The following EBF1 variants were observed in gnomAD, a reference collection of about 807,000 sequenced individuals.
EBF1 encodes EBF transcription factor 1, also known as transcription factor COE1.
A neutral mutation model predicts 68.4 loss-of-function variants in EBF1; 10 were observed. The ratio of observed to expected loss-of-function variants is 0.15; its 90% CI spans 0.09 to 0.25. The LOEUF (loss-of-function observed/expected upper bound fraction) is 0.25, where lower values mean the gene tolerates loss of function less well. Ranked by LOEUF, EBF1 falls within the 10% of genes least tolerant of loss-of-function variation. The pLI is 1.00. For synonymous variants in EBF1, 298 were observed against 299.8 expected (o/e 0.99, Z 0.06); for missense variants, 509 against 794.4 (o/e 0.64, Z 4.32).
At chr5:159,096,306 C>T in intron 3 of EBF1, 37 bp downstream of exon 3, 3 of 1,602,356 alleles carry the variant, frequency 1.9e-6, no homozygotes, top group East Asian at 4.5e-5. Context: ...AGACCCGGAG[C>T]CCCAGGGTGA....
chr5:158,834,433 C>T (rs1788278686), intron 7 of EBF1, among the ~76,000 whole-genome samples: 1 of 151,898 alleles, frequency 6.6e-6, no homozygotes, highest in Non-Finnish European at 1.5e-5. Flanking sequence ...AGCCTGTATC[C>T]ACTGTTGTAT....
At position 159,084,571 on chromosome 5, in the gene EBF1, C is replaced by CAA. The variant is rs200028682; in HGVS notation, c.485+93_485+94dup. On this transcript the variant is annotated intron_variant, in intron 5 of 15. Coordinates refer to ENST00000313708, the MANE Select transcript of EBF1 (RefSeq NM_024007.5). ...CTATAGAAGCAAGACAAATGTGTACCAAAAAAAAAAAAAAAGACCAAAGTT... is the reference window on the plus strand; with the variant it reads ...CTATAGAAGCAAGACAAATGTGTACCAAAAAAAAAAAAAAAAAGACCAAAGTT... 6.5e-3 allele frequency: 5,425 copies of CAA among 833,390 alleles called. 36 individuals carry two copies. The highest frequency in any genetic ancestry group is 0.041 in the African/African-American group (2,120 of 51,768). 51.6% of individuals were successfully genotyped at this position (833,390 alleles called of 1,614,324 possible).
At chr5:158,957,761 C>T (rs1474571773) in intron 6 of EBF1, among the ~76,000 whole-genome samples, 1 of 152,152 alleles carries the variant, frequency 6.6e-6, no homozygotes, top group Non-Finnish European at 1.5e-5. Context: ...TTCATAGTTC[C>T]TTTATGGCCG....
intron 8 of EBF1, among the ~76,000 whole-genome samples, chr5:158,819,937 T>C (rs1784501030): frequency 6.6e-6 from 1 of 152,130 alleles, no homozygotes; most frequent in Non-Finnish European, 1.5e-5. Context: ...AAATTTGCCT[T>C]TGTCAACTCT....
At chr5:158,896,968 G>A (rs1169155822) in intron 6 of EBF1, among the ~76,000 whole-genome samples, 2 of 152,040 alleles carry the variant, frequency 1.3e-5, no homozygotes, top group Non-Finnish European at 2.9e-5. Context: ...TAGAATTTGG[G>A]TCCCTTGATT....
chr5:158,801,779 A>G (rs1380395683), intron 8 of EBF1, among the ~76,000 whole-genome samples: 1 of 152,046 alleles, frequency 6.6e-6, no homozygotes, highest in African/African-American at 2.4e-5. Context: ...CACCTACTCT[A>G]TCTCCCGAGC....
chr5:158,897,423 G>T (rs948875706), intron 6 of EBF1, among the ~76,000 whole-genome samples: 1 of 152,140 alleles, frequency 6.6e-6, no homozygotes, highest in African/African-American at 2.4e-5. Flanking sequence ...AGAGGGTGGA[G>T]GGTTGGAGGA....
intron 6 of EBF1, among the ~76,000 whole-genome samples, chr5:158,891,680 G>A (rs1801213222): frequency 6.6e-6 from 1 of 152,084 alleles, no homozygotes; most frequent in African/African-American, 2.4e-5. Context: ...ACATAGGTAT[G>A]TTTACGCATA....
In EBF1 at chr5:158,830,422, C is replaced by T. The variant is rs1318085796; in HGVS notation, c.637-7105G>A. 3.9e-5 allele frequency among the ~76,000 whole-genome samples: 6 copies of T among 152,288 alleles called. No homozygotes were observed. The South Asian group carries it at 1.2e-3, about 32-fold the overall frequency. On this transcript the variant is annotated intron_variant, in intron 7 of 15. Coordinates refer to ENST00000313708, the MANE Select transcript of EBF1 (RefSeq NM_024007.5). ...ACTAGCTGGGACTAGAGGGGCACAC[C>T]ACCACACCCAGCTAATTTTTATATT...
intron 6 of EBF1, among the ~76,000 whole-genome samples, chr5:158,875,715 C>T (rs1797693773): frequency 6.6e-6 from 1 of 152,186 alleles, no homozygotes; most frequent in South Asian, 2.1e-4. Context: ...GTGCAATGTA[C>T]TTGTGCTATT....
intron 8 of EBF1, among the ~76,000 whole-genome samples, chr5:158,801,203 C>A (rs897914778): frequency 6.6e-6 from 1 of 152,032 alleles, no homozygotes; most frequent in Non-Finnish European, 1.5e-5. Flanking sequence ...TGGCACATTG[C>A]AGAGTTAAAA....
rs768270338 is a variant in EBF1 at position 158,731,147 on chromosome 5, T to C, written c.1047A>G (p.Glu349=). The change falls in exon 11 of 16, where the codon GAA becomes GAG. Residue 349 remains glutamate (E), a synonymous_variant. Transcript: ENST00000313708. The stretch of plus-strand genomic sequence containing the variant: ...TCTGGAAACCATAATCGATGGTGGG[T>C]TCGTTGAGCGCTGCAATAAAGAAGT... The part of the protein sequence containing the change: ...PGRFIYTALN[E]PTIDYGFQRL... The C allele has an allele frequency of 6.2e-7, 1 of 1,613,946 alleles. No homozygotes were observed. The highest frequency in any genetic ancestry group is 8.5e-7 in the Non-Finnish European group (1 of 1,179,898).
At chr5:158,818,422 A>T (rs1784180167) in intron 8 of EBF1, among the ~76,000 whole-genome samples, 2 of 152,248 alleles carry the variant, frequency 1.3e-5, no homozygotes, top group South Asian at 4.1e-4. Context: ...GGATTATAGA[A>T]GGTCATATGC....
At chr5:159,082,731 T>TA (rs1177631326) in intron 5 of EBF1, among the ~76,000 whole-genome samples, 5 of 152,220 alleles carry the variant, frequency 3.3e-5, no homozygotes, top group Non-Finnish European at 7.3e-5. Flanking sequence ...TATACATCTA[T>TA]AGGCAGCCAG....
intron 6 of EBF1, among the ~76,000 whole-genome samples, chr5:158,901,459 T>C (rs1011131835): frequency 2.6e-5 from 4 of 152,260 alleles, no homozygotes; most frequent in Non-Finnish European, 5.9e-5. Context: ...AATAAATGAA[T>C]GAATATATCT....
At chr5:158,729,480 A>G (rs1763636583) in intron 11 of EBF1, among the ~76,000 whole-genome samples, 1 of 152,206 alleles carries the variant, frequency 6.6e-6, no homozygotes, top group Non-Finnish European at 1.5e-5. Flanking sequence ...CACATCATTT[A>G]TATCATCGTG....
At chr5:159,022,056 T>TTA in intron 6 of EBF1, among the ~76,000 whole-genome samples, 1 of 105,610 alleles carries the variant, frequency 9.5e-6, no homozygotes, top group African/African-American at 3.7e-5. Flanking sequence ...GTCAGCACGA[T>TTA]AAAAAAAAAA....
chr5:158,906,303 A>AG (rs1323016411), intron 6 of EBF1, among the ~76,000 whole-genome samples: 10 of 116,614 alleles, frequency 8.6e-5, no homozygotes, highest in African/African-American at 1.9e-4. Context: ...CTGGCAATGC[A>AG]GAAAAAAAAA....
chr5:158,893,483 G>A (rs1012790716), intron 6 of EBF1, among the ~76,000 whole-genome samples: 10 of 152,162 alleles, frequency 6.6e-5, no homozygotes, highest in Non-Finnish European at 1.3e-4. Flanking sequence ...AGAAAAAGGG[G>A]CAATCTTACT....
Sources: gnomAD v4.1 joint callset for allele counts (sites outside exome capture counted in the v4.1 genomes callset) on GRCh38, gnomAD v4.1.1 for gene constraint, MANE v1.5 for transcripts, NCBI Gene and HGNC (gene_info 2026-07-23, HGNC 2026-07-21) for gene names.